Variants in PPM1L observed in about 807,000 individuals in gnomAD.
PPM1L encodes the protein protein phosphatase 1L.
PPM1L carries 13 observed loss-of-function variants against 31.4 expected under a neutral mutation model. The observed-to-expected ratio is 0.41, with a 90% CI of 0.27 to 0.66. The LOEUF is 0.66. PPM1L is among the 30% of genes least tolerant of loss of function. The probability of loss-of-function intolerance (pLI) is 0.29; values close to 1 mark genes in which losing one functional copy is unlikely to be tolerated. For missense variants in PPM1L, 326 were observed against 453.7 expected (o/e 0.72, Z 2.56); for synonymous variants, 184 against 175.4 (o/e 1.05, Z -0.39).
At chr3:161,056,595 T>C (rs879816890) in intron 2 of PPM1L, among the ~76,000 whole-genome samples, 18 of 152,114 alleles carry the variant, frequency 1.2e-4, no homozygotes, top group Admixed American at 2.6e-4. Context: ...AAAATATAAG[T>C]ATGTGTGTGG....
At chr3:160,854,227 G>A (rs904787966) in intron 1 of PPM1L, among the ~76,000 whole-genome samples, 1 of 152,150 alleles carries the variant, frequency 6.6e-6, no homozygotes, top group Non-Finnish European at 1.5e-5. Flanking sequence ...GGTTTTTGTT[G>A]CCCATGCTTA....
intron 1 of PPM1L, among the ~76,000 whole-genome samples, chr3:160,783,278 G>A (rs895624278): frequency 6.6e-6 from 1 of 152,110 alleles, no homozygotes; most frequent in East Asian, 1.9e-4. Context: ...GGAAAAGAAT[G>A]ACATTTATCA....
chr3:160,944,832 A>ATATGT lies in PPM1L; in HGVS notation c.400-16901_400-16900insGTTAT, dbSNP rs1553748183. Among the ~76,000 whole-genome samples the ATATGT allele has an allele frequency of 4.4e-4, 25 of 57,048 alleles. 4 individuals are homozygous for ATATGT. The highest frequency in any genetic ancestry group is 2.2e-3 in the East Asian group (8 of 3,698). The allele number at this position is 57,048 out of a possible 152,430, so 37.4% of individuals were successfully genotyped here. ...ATAACATATATATGTTATATATAACATATATATGTTATATATAACATATAT... is the reference window on the plus strand; with the variant it reads ...ATAACATATATATGTTATATATAACATATGTTATATATGTTATATATAACATATAT... On this transcript the variant is annotated intron_variant, in intron 1 of 3. Transcript: ENST00000498165.
intron 1 of PPM1L, among the ~76,000 whole-genome samples, chr3:160,928,341 C>T (rs1714670124): frequency 6.6e-6 from 1 of 152,176 alleles, no homozygotes; most frequent in South Asian, 2.1e-4. Flanking sequence ...GGGCATATGG[C>T]CTGGTACCTC....
intron 1 of PPM1L, among the ~76,000 whole-genome samples, chr3:160,810,982 A>G (rs574572390): frequency 6.6e-6 from 1 of 152,352 alleles, no homozygotes; most frequent in East Asian, 1.9e-4. Context: ...TCATACTGAA[A>G]GAGCCCATGG....
intron 1 of PPM1L, among the ~76,000 whole-genome samples, chr3:160,959,387 TCAC>T (rs1715881793): frequency 6.6e-6 from 1 of 152,132 alleles, no homozygotes; most frequent in Admixed American, 6.5e-5. Context: ...ATCTCAGAAA[TCAC>T]CACTAAAGAA....
At chr3:160,937,265 C>A (rs1715002038) in intron 1 of PPM1L, among the ~76,000 whole-genome samples, 7 of 152,112 alleles carry the variant, frequency 4.6e-5, no homozygotes, top group Admixed American at 4.6e-4. Context: ...ATTTAATAGT[C>A]ATCTCAGAAT....
At chr3:160,929,635 T>G (rs1255473189) in intron 1 of PPM1L, among the ~76,000 whole-genome samples, 1 of 152,246 alleles carries the variant, frequency 6.6e-6, no homozygotes, top group African/African-American at 2.4e-5. Flanking sequence ...TCATTTTATT[T>G]ACTTGTAGTG....
At chr3:160,977,100 C>T (rs576871553) in intron 2 of PPM1L, among the ~76,000 whole-genome samples, 8 of 152,096 alleles carry the variant, frequency 5.3e-5, no homozygotes, top group Non-Finnish European at 8.8e-5. Context: ...TTTCAAAGAA[C>T]ATCTTTATTT....
chr3:160,835,805 A>G (rs1221879323), intron 1 of PPM1L, among the ~76,000 whole-genome samples: 2 of 152,178 alleles, frequency 1.3e-5, no homozygotes, highest in African/African-American at 4.8e-5. Flanking sequence ...GAATATGATC[A>G]AGAGTTCTAT....
chr3:161,046,323 A>C (rs1719068186), intron 2 of PPM1L, among the ~76,000 whole-genome samples: 1 of 152,142 alleles, frequency 6.6e-6, no homozygotes, highest in Non-Finnish European at 1.5e-5. Context: ...CTATGCAAAT[A>C]AACTAGAAAA....
chr3:160,835,064 C>CTTCTTCTTCTTCTTCTTCTTT (rs1713663288), intron 1 of PPM1L, among the ~76,000 whole-genome samples: 59 of 146,760 alleles, frequency 4.0e-4, no homozygotes, highest in African/African-American at 1.5e-3. Context: ...TCTTCTTCTT[C>CTTCTTCTTCTTCTTCTTCTTT]TTCTTCTTCT....
intron 2 of PPM1L, among the ~76,000 whole-genome samples, chr3:160,996,074 C>G (rs1294024500): frequency 1.3e-5 from 2 of 152,100 alleles, no homozygotes; most frequent in East Asian, 1.9e-4. Flanking sequence ...AAATGCAAAT[C>G]GAAACCACAG....
chr3:160,776,157 A>G (rs1341818033), intron 1 of PPM1L, among the ~76,000 whole-genome samples: 2 of 152,268 alleles, frequency 1.3e-5, no homozygotes, highest in Non-Finnish European at 2.9e-5. Context: ...AATGTTGATT[A>G]TGAGGAATTG....
intron 1 of PPM1L, among the ~76,000 whole-genome samples, chr3:160,910,930 A>G (rs1713951224): frequency 6.6e-6 from 1 of 152,204 alleles, no homozygotes; most frequent in South Asian, 2.1e-4. Context: ...GGATTCAGGA[A>G]CTGAAGTTTG....
intron 1 of PPM1L, among the ~76,000 whole-genome samples, chr3:160,924,510 A>C (rs1714521850): frequency 6.6e-6 from 1 of 152,222 alleles, no homozygotes; most frequent in African/African-American, 2.4e-5. Flanking sequence ...CCTAATAACC[A>C]ATGGGACAAC....
At chr3:161,039,598 C>G (rs1718847443) in intron 2 of PPM1L, among the ~76,000 whole-genome samples, 2 of 152,182 alleles carry the variant, frequency 1.3e-5, no homozygotes. Context: ...TCTCGGCTCA[C>G]TGCAAGCTCT....
chr3:160,996,670 C>G (rs544593607), intron 2 of PPM1L, among the ~76,000 whole-genome samples: 1 of 152,202 alleles, frequency 6.6e-6, no homozygotes, highest in Admixed American at 6.5e-5. Flanking sequence ...GGATAAAAGA[C>G]TACACATTGG....
rs1197274422 is a variant in PPM1L, at chr3:160,771,252, G to A, written c.399+14545G>A. 4.6e-5 allele frequency among the ~76,000 whole-genome samples: 7 copies of A among 151,584 alleles called. No homozygotes were observed. In the South Asian group the frequency reaches 6.2e-4, roughly 14 times the overall value. ...TTTTGAGATTTTCAGGCAACTTTCC[G>A]GAACTTTTCTTTTCTTTTTTTTTGA... On this transcript the variant is annotated intron_variant, in intron 1 of 3. Coordinates refer to ENST00000498165, the MANE Select transcript of PPM1L (RefSeq NM_139245.4).
Sources: allele counts gnomAD v4.1 joint callset (sites outside exome capture counted in the v4.1 genomes callset), GRCh38; gene constraint gnomAD v4.1.1; transcripts MANE v1.5; gene names NCBI Gene and HGNC (gene_info 2026-07-23, HGNC 2026-07-21).